The following TUSC3 variants were observed in gnomAD, a reference collection of about 807,000 sequenced individuals.
The protein encoded by TUSC3 is tumor suppressor candidate 3, also known as dolichyl-diphosphooligosaccharide--protein glycosyltransferase subunit TUSC3.
Under a neutral mutation model 44.8 loss-of-function variants are expected in TUSC3, and 45 were observed. The observed-to-expected ratio is 1.00, with a 90% CI of 0.79 to 1.29. The LOEUF is 1.29. Ranked by LOEUF, TUSC3 falls within the 50% of genes most tolerant of loss-of-function variation. The pLI is 0.00. For missense variants in TUSC3, 519 were observed against 437.9 expected (o/e 1.19, Z -1.65); for synonymous variants, 212 against 152.9 (o/e 1.39, Z -2.85).
Position 15,641,623 on chromosome 8 carries a change from T to C in TUSC3, c.309-9074T>C, listed in dbSNP as rs200087469. On this transcript the variant is annotated intron_variant, in intron 2 of 10. Coordinates refer to ENST00000503731, the MANE Select transcript of TUSC3 (RefSeq NM_006765.4). ...GTTATGCCTCATGTTTTTAACCTCATGACAACTGTTGAGAGAGAAATTACT... is the reference window on the plus strand; with the variant it reads ...GTTATGCCTCATGTTTTTAACCTCACGACAACTGTTGAGAGAGAAATTACT... Among the ~76,000 whole-genome samples the C allele has an allele frequency of 3.9e-5, 6 of 152,300 alleles. No individual in the cohort carries two copies. The East Asian group carries it at 1.2e-3, about 30-fold the overall frequency.
the TUSC3 span, among the ~76,000 whole-genome samples, chr8:15,774,280 G>A: frequency 6.6e-6 from 1 of 152,130 alleles, no homozygotes; most frequent in Non-Finnish European, 1.5e-5. Flanking sequence ...GAGTACTTCA[G>A]AGTACATCCT....
At chr8:15,438,213 G>C (rs2129117969) in intron 1 of TUSC3, among the ~76,000 whole-genome samples, 2 of 152,232 alleles carry the variant, frequency 1.3e-5, no homozygotes, top group East Asian at 1.9e-4. Flanking sequence ...TCCTGCCTCA[G>C]CCTCCCAAGC....
intron 6 of TUSC3, among the ~76,000 whole-genome samples, chr8:15,724,285 T>C (rs1437649974): frequency 6.6e-6 from 1 of 152,066 alleles, no homozygotes; most frequent in Non-Finnish European, 1.5e-5. Context: ...AGCCATCCAG[T>C]CTATGGTATT....
At chr8:15,672,788 C>T (rs544243613) in intron 5 of TUSC3, among the ~76,000 whole-genome samples, 1 of 152,038 alleles carries the variant, frequency 6.6e-6, no homozygotes, top group Admixed American at 6.6e-5. Context: ...TCCTTGTTTT[C>T]TCCTTTAAAA....
At chr8:15,843,418 C>T in the TUSC3 span, among the ~76,000 whole-genome samples, 5 of 151,988 alleles carry the variant, frequency 3.3e-5, no homozygotes, top group African/African-American at 7.2e-5. Flanking sequence ...TTTAACTCTT[C>T]GATTTTTAAA....
At chr8:15,723,024 A>C (rs1422192367) in intron 6 of TUSC3, among the ~76,000 whole-genome samples, 1 of 152,122 alleles carries the variant, frequency 6.6e-6, no homozygotes, top group African/African-American at 2.4e-5. Context: ...ATTGTGTAGG[A>C]GTTTCCATAT....
intron 6 of TUSC3, among the ~76,000 whole-genome samples, chr8:15,718,868 T>C (rs1459412319): frequency 6.6e-6 from 1 of 152,144 alleles, no homozygotes; most frequent in African/African-American, 2.4e-5. Context: ...TTTAATGTTG[T>C]TGCCTTTTGT....
At chr8:15,446,044 C>A (rs1034636979) in intron 1 of TUSC3, among the ~76,000 whole-genome samples, 3 of 151,516 alleles carry the variant, frequency 2.0e-5, no homozygotes, top group Non-Finnish European at 4.4e-5. Flanking sequence ...CTCCTCACTT[C>A]TCAGAAGGGG....
chr8:15,473,509 G>A (rs1337935060), intron 1 of TUSC3, among the ~76,000 whole-genome samples: 1 of 152,138 alleles, frequency 6.6e-6, no homozygotes, highest in Non-Finnish European at 1.5e-5. Flanking sequence ...AGTATTGGGG[G>A]AACCCACCCC....
intron 1 of TUSC3, among the ~76,000 whole-genome samples, chr8:15,562,653 A>G (rs367985374): frequency 3.3e-5 from 5 of 152,210 alleles, no homozygotes; most frequent in Middle Eastern, 3.4e-3. Flanking sequence ...TTCAAGTTGT[A>G]GGCAGAATTC....
At chr8:15,699,639 A>C (rs1221498106) in intron 6 of TUSC3, among the ~76,000 whole-genome samples, 1 of 152,206 alleles carries the variant, frequency 6.6e-6, no homozygotes, top group Non-Finnish European at 1.5e-5. Flanking sequence ...AGCACATGAC[A>C]TTTTCCCTTT....
chr8:15,552,487 C>G (rs1334714481), intron 1 of TUSC3, among the ~76,000 whole-genome samples: 1 of 151,684 alleles, frequency 6.6e-6, no homozygotes, highest in African/African-American at 2.4e-5. Context: ...GGGCGCTATA[C>G]TAGCATATTG....
chr8:15,674,445 A>G (rs1808092489), intron 6 of TUSC3, among the ~76,000 whole-genome samples: 1 of 151,938 alleles, frequency 6.6e-6, no homozygotes, highest in Admixed American at 6.6e-5. Context: ...CAGTATTAGG[A>G]TAGTGAAGAT....
intron 1 of TUSC3, among the ~76,000 whole-genome samples, chr8:15,437,660 G>A (rs1233821918): frequency 6.6e-6 from 1 of 152,182 alleles, no homozygotes; most frequent in Non-Finnish European, 1.5e-5. Context: ...ATAACTAAAA[G>A]TAGGACTCGC....
intron 1 of TUSC3, among the ~76,000 whole-genome samples, chr8:15,429,817 G>A (rs974210519): frequency 4.0e-5 from 6 of 151,688 alleles, no homozygotes; most frequent in Non-Finnish European, 7.3e-5. Flanking sequence ...CGATCCCACA[G>A]AAATACAAAC....
intron 2 of TUSC3, among the ~76,000 whole-genome samples, chr8:15,648,819 T>A (rs868611049): frequency 1.4e-5 from 2 of 144,134 alleles, no homozygotes; most frequent in Non-Finnish European, 3.0e-5. Context: ...ATAATTCCTT[T>A]AAACCCGGTG....
At chr8:15,816,073 C>T in the TUSC3 span, among the ~76,000 whole-genome samples, 1 of 152,090 alleles carries the variant, frequency 6.6e-6, no homozygotes, top group Non-Finnish European at 1.5e-5. Context: ...TGTGAGCATT[C>T]AACATGAATG....
chr8:15,451,048 A>G (rs1443550749), intron 1 of TUSC3, among the ~76,000 whole-genome samples: 2 of 152,128 alleles, frequency 1.3e-5, no homozygotes, highest in South Asian at 2.1e-4. Flanking sequence ...TTTCCTGAAC[A>G]TCACTAGCTT....
At chr8:15,417,805 A>C (rs939598099) in intron 1 of TUSC3, among the ~76,000 whole-genome samples, 1 of 152,146 alleles carries the variant, frequency 6.6e-6, no homozygotes, top group Non-Finnish European at 1.5e-5. Context: ...GCGTTGGCTT[A>C]TGGTTAAGCT....
Sources: gnomAD v4.1 joint callset for allele counts (sites outside exome capture counted in the v4.1 genomes callset) on GRCh38, gnomAD v4.1.1 for gene constraint, MANE v1.5 for transcripts, NCBI Gene and HGNC (gene_info 2026-07-23, HGNC 2026-07-21) for gene names.